Variants in SCN11A observed in about 807,000 individuals in gnomAD.
The protein encoded by SCN11A is sodium voltage-gated channel alpha subunit 11, also known as sodium channel protein type 11 subunit alpha.
SCN11A carries 122 observed loss-of-function variants against 162.2 expected under a neutral mutation model. That is an observed-to-expected ratio of 0.75 (90% CI 0.65 to 0.87). SCN11A has a LOEUF of 0.87. SCN11A is among the 40% of genes least tolerant of loss of function. The pLI, the probability that SCN11A is intolerant of heterozygous loss-of-function variation, is 0.00. For synonymous variants in SCN11A, 758 were observed against 751.5 expected (o/e 1.01, Z -0.14); for missense variants, 2,015 against 2,181.6 (o/e 0.92, Z 1.52).
At chr3:38,894,288 C>T (rs941222494) in intron 19 of SCN11A, among the ~76,000 whole-genome samples, 1 of 152,138 alleles carries the variant, frequency 6.6e-6, no homozygotes, top group Non-Finnish European at 1.5e-5. Context: ...AAAGGAACTC[C>T]CCCTGTCATC....
chr3:38,880,439 A>G (rs965285049), intron 22 of SCN11A, among the ~76,000 whole-genome samples: 2 of 152,034 alleles, frequency 1.3e-5, no homozygotes, highest in Admixed American at 6.6e-5. Context: ...CATCTTTTCA[A>G]CTCCTGCCAA....
intron 2 of SCN11A, among the ~76,000 whole-genome samples, chr3:38,997,842 C>G (rs1247798050): frequency 6.6e-6 from 1 of 152,296 alleles, no homozygotes; most frequent in Admixed American, 6.5e-5. Flanking sequence ...TCACATAATA[C>G]CTGTAAGTAT....
At chr3:39,010,898 G>A (rs569664768) in intron 2 of SCN11A, among the ~76,000 whole-genome samples, 1 of 152,190 alleles carries the variant, frequency 6.6e-6, no homozygotes, top group South Asian at 2.1e-4. Context: ...GGGTGTGTGT[G>A]GTTTGAAGAA....
At chr3:38,850,233 A>G in intron 29 of SCN11A, 1 of 436,632 alleles carries the variant, frequency 2.3e-6, no homozygotes. Context: ...TTTCCATTGA[A>G]TACATTAGCT....
At chr3:38,870,419 T>G (rs1205108688) in intron 26 of SCN11A, among the ~76,000 whole-genome samples, 2 of 152,218 alleles carry the variant, frequency 1.3e-5, no homozygotes, top group Non-Finnish European at 2.9e-5. Context: ...CTGCCACTTC[T>G]GGCTCCATCT....
chr3:38,886,086 G>A (rs371863565), intron 20 of SCN11A, 39 bp downstream of exon 20: 42 of 1,312,258 alleles, frequency 3.2e-5, no homozygotes, highest in South Asian at 4.9e-5. Context: ...GTGTGTGGAT[G>A]AGCCACAAGT....
intron 2 of SCN11A, among the ~76,000 whole-genome samples, chr3:39,016,371 T>C (rs1318605899): frequency 1.3e-5 from 2 of 152,200 alleles, no homozygotes; most frequent in Non-Finnish European, 2.9e-5. Context: ...TGAAACACCC[T>C]GTCAGCTCAA....
chr3:39,015,464 T>C (rs1012966293), intron 2 of SCN11A, among the ~76,000 whole-genome samples: 13 of 152,168 alleles, frequency 8.5e-5, no homozygotes, highest in African/African-American at 2.7e-4. Context: ...CTTATGGCCA[T>C]AGGATGATCA....
chr3:38,888,874 G>C (rs949300618), intron 19 of SCN11A, among the ~76,000 whole-genome samples: 1 of 152,108 alleles, frequency 6.6e-6, no homozygotes, highest in African/African-American at 2.4e-5. Context: ...CAAGAAGATA[G>C]GGCTCCCTCT....
intron 4 of SCN11A, among the ~76,000 whole-genome samples, chr3:38,953,369 A>G (rs2066644308): frequency 6.6e-6 from 1 of 152,056 alleles, no homozygotes; most frequent in African/African-American, 2.4e-5. Flanking sequence ...ACACAAGTTT[A>G]CCTATGTAAC....
chr3:38,958,505 A>G (rs1404147076), intron 3 of SCN11A, among the ~76,000 whole-genome samples: 19 of 152,200 alleles, frequency 1.2e-4, no homozygotes, highest in Admixed American at 1.2e-3. Flanking sequence ...ACAATGTCCA[A>G]TTTGAGCTTG....
chr3:38,933,428 G>A (rs1013460011), intron 7 of SCN11A, among the ~76,000 whole-genome samples: 1 of 152,204 alleles, frequency 6.6e-6, no homozygotes, highest in Non-Finnish European at 1.5e-5. Context: ...ACTACTCCGA[G>A]CTACAGGAGG....
intron 2 of SCN11A, among the ~76,000 whole-genome samples, chr3:38,971,151 T>C (rs2066814652): frequency 6.6e-6 from 1 of 151,492 alleles, no homozygotes; most frequent in Non-Finnish European, 1.5e-5. Context: ...TTTTCTTTTC[T>C]TTTTCTTGTT....
chr3:38,992,516 A>G (rs929912856), intron 2 of SCN11A, among the ~76,000 whole-genome samples: 8 of 152,194 alleles, frequency 5.3e-5, no homozygotes, highest in African/African-American at 1.9e-4. Context: ...CTTGACAGTC[A>G]ACTTCCCATT....
chr3:38,953,357 T>A (rs970144900), intron 4 of SCN11A, among the ~76,000 whole-genome samples: 3 of 151,734 alleles, frequency 2.0e-5, no homozygotes, highest in East Asian at 3.9e-4. Flanking sequence ...CAAACCCCCA[T>A]GACACAAGTT....
intron 2 of SCN11A, among the ~76,000 whole-genome samples, chr3:38,986,726 A>C (rs2030259890): frequency 6.6e-6 from 1 of 152,144 alleles, no homozygotes; most frequent in Non-Finnish European, 1.5e-5. Context: ...AACAAAGGAC[A>C]AGGAGGCATT....
At chr3:38,963,638 C>T (rs1225699631) in intron 2 of SCN11A, among the ~76,000 whole-genome samples, 2 of 151,718 alleles carry the variant, frequency 1.3e-5, no homozygotes, top group Admixed American at 1.3e-4. Context: ...GAAAACTGAA[C>T]ATCGTATGTT....
intron 5 of SCN11A, 73 bp downstream of exon 5, chr3:38,950,022 AC>A: frequency 1.2e-6 from 1 of 856,090 alleles, no homozygotes; most frequent in South Asian, 1.7e-5. Flanking sequence ...TGTTTGGAGA[AC>A]CTGTAACACC....
chr3:39,046,014 C>CT (rs1336180464), intron 1 of SCN11A, among the ~76,000 whole-genome samples: 2 of 152,138 alleles, frequency 1.3e-5, no homozygotes, highest in Non-Finnish European at 2.9e-5. Context: ...AATCCCAACA[C>CT]TTTGGGGGGC....
Sources: gnomAD v4.1 joint callset for allele counts (sites outside exome capture counted in the v4.1 genomes callset) on GRCh38, gnomAD v4.1.1 for gene constraint, MANE v1.5 for transcripts, NCBI Gene and HGNC (gene_info 2026-07-23, HGNC 2026-07-21) for gene names.